NF2: variants seen among roughly 807,000 people sequenced by gnomAD.
NF2 encodes the protein NF2, moesin-ezrin-radixin like (MERLIN) tumor suppressor, also known as merlin.
In NF2, 8 loss-of-function variants were observed where a neutral mutation model predicts 83.7. That is an observed-to-expected ratio of 0.10 (90% confidence interval 0.06 to 0.17). NF2 has a LOEUF of 0.17. Ranked by LOEUF, NF2 falls within the 10% of genes least tolerant of loss-of-function variation. The probability of loss-of-function intolerance (pLI) is 1.00; values close to 1 mark genes in which losing one functional copy is unlikely to be tolerated. For missense variants in NF2, 533 were observed against 744.4 expected (o/e 0.72, Z 3.31); for synonymous variants, 266 against 269.6 (o/e 0.99, Z 0.13).
chr22:29,642,063 T>C (rs974721229), intron 3 of NF2, 139 bp from the exon 4 acceptor site: 2 of 715,188 alleles, frequency 2.8e-6, no homozygotes, highest in Admixed American at 2.3e-5. Flanking sequence ...AAAAAAAAAA[T>C]TGTACCCTTT....
chr22:29,619,205 C>G (rs2065149399), intron 1 of NF2, among the ~76,000 whole-genome samples: 1 of 151,966 alleles, frequency 6.6e-6, no homozygotes, highest in South Asian at 2.1e-4. Context: ...CCAACACGCC[C>G]TGCTAATTTT....
rs1486844933 is a variant in NF2, at chr22:29,643,786, G to A, written c.447+1501G>A. The stretch of plus-strand genomic sequence containing the variant: ...AAAGCCGCCATTGTCATCCTGGCCC[G>A]TTCTCAATGAGCTGTTGGGCACACC... On this transcript the variant is annotated intron_variant, in intron 4 of 15. Transcript: ENST00000338641. 1.5e-4 allele frequency among the ~76,000 whole-genome samples: 23 copies of A among 151,506 alleles called. 1 individual carries two copies. The highest frequency in any genetic ancestry group is 3.1e-4 in the Non-Finnish European group (21 of 68,004).
At chr22:29,650,974 G>A (rs190237113) in intron 4 of NF2, among the ~76,000 whole-genome samples, 13 of 152,276 alleles carry the variant, frequency 8.5e-5, no homozygotes, top group Admixed American at 1.3e-4. Flanking sequence ...TCTATTTTAC[G>A]TATAGGACTG....
At chr22:29,629,812 C>T (rs183909219) in intron 1 of NF2, among the ~76,000 whole-genome samples, 2 of 152,302 alleles carry the variant, frequency 1.3e-5, no homozygotes, top group East Asian at 1.9e-4. Context: ...TAATTTAGCC[C>T]ACCAGACCCC....
chr22:29,663,197 G>A (rs1008234262), intron 8 of NF2, among the ~76,000 whole-genome samples: 3 of 152,120 alleles, frequency 2.0e-5, no homozygotes, highest in South Asian at 2.1e-4. Flanking sequence ...GTGTGCCACC[G>A]TATGGTAGTT....
In NF2 at chr22:29,639,180, C is replaced by G. The variant is rs2146872330; in HGVS notation, c.331C>G (p.Gln111Glu). 2.5e-6 allele frequency: 4 copies of G among 1,614,186 alleles called. No homozygotes were observed. Among genetic ancestry groups the G allele is most frequent in the Non-Finnish European group, 3.4e-6 (4 of 1,180,032 alleles). Residue 111 changes from glutamine to glutamate, a missense_variant, in exon 3 of 16, where the codon CAG becomes GAG. Coordinates refer to ENST00000338641, the MANE Select transcript of NF2 (RefSeq NM_000268.4). ...YPENAEEELV[Q>E]EITQHLFFLQ... ...TGAGAATGCTGAAGAGGAGCTGGTT[C>G]AGGAGATCACACAACATTTATTCTT...
chr22:29,683,280 T>C (rs2067194845), intron 15 of NF2: 27 of 1,461,540 alleles, frequency 1.8e-5, no homozygotes, highest in Non-Finnish European at 2.3e-5. Context: ...GACTGCCTCG[T>C]TCCGAAGAGC....
At chr22:29,653,912 G>A (rs1227904064) in intron 4 of NF2, among the ~76,000 whole-genome samples, 1 of 151,986 alleles carries the variant, frequency 6.6e-6, no homozygotes, top group African/African-American at 2.4e-5. Context: ...TCTACTGTAT[G>A]TTTCAGTTAG....
intron 4 of NF2, among the ~76,000 whole-genome samples, chr22:29,650,902 C>A: frequency 6.6e-6 from 1 of 152,222 alleles, no homozygotes; most frequent in Non-Finnish European, 1.5e-5. Context: ...TGCACCCAAC[C>A]TGTTCATCTT....
chr22:29,678,335 CCTGTGCCCTG>C lies in NF2; in HGVS notation c.1574+18_1574+27del. 6.2e-7 allele frequency: 1 copy of C among 1,612,848 alleles called. No individual in the cohort carries two copies. The highest frequency in any genetic ancestry group is 8.5e-7 in the Non-Finnish European group (1 of 1,179,200). On this transcript the variant is annotated intron_variant, in intron 14 of 15. Transcript: ENST00000338641. ...ATAGAGAAAGAAAAGTATGTAGCCCCCTGTGCCCTGCTGTGGGCAGCTGTGAACTAGACTG... is the reference window on the plus strand; with the variant it reads ...ATAGAGAAAGAAAAGTATGTAGCCCCCTGTGGGCAGCTGTGAACTAGACTG...
At chr22:29,614,848 G>A (rs554351604) in intron 1 of NF2, among the ~76,000 whole-genome samples, 1 of 151,996 alleles carries the variant, frequency 6.6e-6, no homozygotes, top group Admixed American at 6.6e-5. Flanking sequence ...AGGAGTTTGA[G>A]ACCAGTCTGG....
At chr22:29,609,956 T>G (rs2064904575) in intron 1 of NF2, among the ~76,000 whole-genome samples, 1 of 152,118 alleles carries the variant, frequency 6.6e-6, no homozygotes, top group Admixed American at 6.6e-5. Flanking sequence ...TTTATATGCT[T>G]GGTAATATGA....
rs982133826 is a variant in NF2, at chr22:29,695,098, C to T, written c.*296C>T. On this transcript the variant is annotated 3_prime_UTR_variant, in exon 16 of 16. Coordinates refer to ENST00000338641, the MANE Select transcript of NF2 (RefSeq NM_000268.4). The surrounding 1 kb of genome is among the most constrained non-coding windows in gnomAD (Gnocchi z 5.4). ...TCCTGACTCCCTTCGTCCAAGGCAC[C>T]GGTGTGTGTGTGTCTTGCACTCCAG... 2.1e-5 allele frequency: 11 copies of T among 528,696 alleles called. No homozygotes were observed. Among genetic ancestry groups the T allele is most frequent in the Non-Finnish European group, 3.4e-5 (10 of 291,672 alleles). 32.8% of individuals were successfully genotyped at this position (528,696 alleles called of 1,614,324 possible). A position where few individuals can be genotyped will look rare whatever the true frequency, so the allele number is the denominator to read the frequency against.
rs886057354 is a variant in NF2, at chr22:29,696,066, C to CTTT, written c.*1285_*1287dup. On this transcript the variant is annotated 3_prime_UTR_variant, in exon 16 of 16. Coordinates refer to ENST00000338641, the MANE Select transcript of NF2 (RefSeq NM_000268.4). ...GTCTGGGGCCACCTTCTTGCCCTTTCTTTTTTTTTTTTTTTTTTTTTTTCC... is the reference window on the plus strand; with the variant it reads ...GTCTGGGGCCACCTTCTTGCCCTTTCTTTTTTTTTTTTTTTTTTTTTTTTTTCC... 2.6e-4 allele frequency: 40 copies of CTTT among 155,858 alleles called. No homozygotes were observed. The highest frequency in any genetic ancestry group is 2.2e-3 in the Middle Eastern group (1 of 462). The allele number at this position is 155,858 out of a possible 1,614,324, so 9.7% of individuals were successfully genotyped here.
At chr22:29,689,525 C>G (rs758311064) in intron 15 of NF2, among the ~76,000 whole-genome samples, 4 of 151,988 alleles carry the variant, frequency 2.6e-5, no homozygotes, top group Non-Finnish European at 4.4e-5. Flanking sequence ...ATGGGACAAG[C>G]AGAGACCCAG....
intron 14 of NF2, among the ~76,000 whole-genome samples, chr22:29,681,059 T>C (rs1161016299): frequency 1.3e-5 from 2 of 151,764 alleles, no homozygotes; most frequent in Admixed American, 6.6e-5. Context: ...CTTTTCTTTT[T>C]TTTTTTTTAA....
chr22:29,653,880 G>GAGATAGGCTTTGATTTT, intron 4 of NF2, among the ~76,000 whole-genome samples: 1 of 152,200 alleles, frequency 6.6e-6, no homozygotes, highest in African/African-American at 2.4e-5. Flanking sequence ...TGATTGATAA[G>GAGATAGGCTTTGATTTT]AGATAGGCTT....
At position 29,696,129 on chromosome 22, in the gene NF2, G is replaced by A; in HGVS notation, c.*1327G>A. On this transcript the variant is annotated 3_prime_UTR_variant, in exon 16 of 16. Transcript: ENST00000338641. ...CTCTCTGTCACCCAGGTGGGAGTGT[G>A]GTGGCACAATCTCGGCTCACTGCAA... 1 of 220,294 alleles carries A rather than the reference G, an allele frequency of 4.5e-6. No individual in the cohort carries two copies. The highest frequency in any genetic ancestry group is 8.9e-6 in the Non-Finnish European group (1 of 112,504). 13.6% of individuals were successfully genotyped at this position (220,294 alleles called of 1,614,324 possible). A position where few individuals can be genotyped will look rare whatever the true frequency, so the allele number is the denominator to read the frequency against.
chr22:29,696,314 C>G lies in NF2; in HGVS notation c.*1512C>G, dbSNP rs1205953749. The G allele has an allele frequency of 4.6e-6, 1 of 219,468 alleles. No individual in the cohort carries two copies. The highest frequency in any genetic ancestry group is 9.1e-6 in the Non-Finnish European group (1 of 109,418). The allele number at this position is 219,468 out of a possible 1,614,324, so 13.6% of individuals were successfully genotyped here. On this transcript the variant is annotated 3_prime_UTR_variant, in exon 16 of 16. Coordinates refer to ENST00000338641, the MANE Select transcript of NF2 (RefSeq NM_000268.4). ...GGTCTCAAACTCACACCTGGGATTA[C>G]AGGCATGAGCCACTGCACCCAGCCC... is the stretch of plus-strand genomic sequence containing the variant.
Sources: gnomAD v4.1 joint callset for allele counts (sites outside exome capture counted in the v4.1 genomes callset) on GRCh38, gnomAD v4.1.1 for gene constraint, Gnocchi (gnomAD v3.1) non-coding constraint, MANE v1.5 for transcripts, NCBI Gene and HGNC (gene_info 2026-07-23, HGNC 2026-07-21) for gene names.